TTC28: variants seen among roughly 807,000 people sequenced by gnomAD.
TTC28 encodes tetratricopeptide repeat domain 28.
In TTC28, 61 loss-of-function variants were observed where a neutral mutation model predicts 198.0. The observed-to-expected ratio is 0.31, with a 90% confidence interval of 0.25 to 0.38. The LOEUF is 0.38. Among genes scored for constraint, TTC28 ranks in the 10% least tolerant of loss-of-function variants. TTC28 has a pLI of 1.00. For synonymous variants in TTC28, 1,171 were observed against 1,297.8 expected, an observed-to-expected ratio of 0.90 and a Z score of 2.10; for missense variants, 2,678 against 3,164.0, an observed-to-expected ratio of 0.85 and a Z score of 3.69.
At chr22:28,648,346 G>C (rs572732056) in intron 1 of TTC28, among the ~76,000 whole-genome samples, 2 of 151,730 alleles carry the variant, frequency 1.3e-5, no homozygotes, top group South Asian at 2.1e-4. Flanking sequence ...AAAAACAATA[G>C]ATGTTGACAT....
At chr22:28,104,805 C>T (rs1382502865) in intron 8 of TTC28, among the ~76,000 whole-genome samples, 1 of 152,144 alleles carries the variant, frequency 6.6e-6, no homozygotes, top group Non-Finnish European at 1.5e-5. Context: ...GAACTGACTT[C>T]TATAAAGTTT....
At chr22:28,647,540 TC>T (rs1276527717) in intron 1 of TTC28, among the ~76,000 whole-genome samples, 1 of 151,896 alleles carries the variant, frequency 6.6e-6, no homozygotes, top group African/African-American at 2.4e-5. Context: ...CACAATCCCA[TC>T]AAAAAGCGGG....
intron 2 of TTC28, among the ~76,000 whole-genome samples, chr22:28,469,569 T>C (rs549401358): frequency 6.6e-6 from 1 of 151,786 alleles, no homozygotes; most frequent in Non-Finnish European, 1.5e-5. Flanking sequence ...CAGAGGGAGA[T>C]TTTACTACAG....
chr22:28,382,798 C>A (rs996875420), intron 2 of TTC28, among the ~76,000 whole-genome samples: 2 of 152,104 alleles, frequency 1.3e-5, no homozygotes, highest in African/African-American at 4.8e-5. Flanking sequence ...TATAAAGGGG[C>A]AAATTCAACA....
At chr22:28,362,594 G>A (rs1240310907) in intron 2 of TTC28, among the ~76,000 whole-genome samples, 1 of 152,180 alleles carries the variant, frequency 6.6e-6, no homozygotes, top group Non-Finnish European at 1.5e-5. Flanking sequence ...GAAGAAGACA[G>A]GAAAATGTGG....
intron 2 of TTC28, among the ~76,000 whole-genome samples, chr22:28,609,974 A>G (rs759732036): frequency 2.0e-5 from 3 of 152,188 alleles, no homozygotes; most frequent in Non-Finnish European, 4.4e-5. Flanking sequence ...GCCACCAGGA[A>G]GTTCAAACTC....
chr22:28,171,693 G>A (rs372422514), intron 5 of TTC28, among the ~76,000 whole-genome samples: 2 of 147,946 alleles, frequency 1.4e-5, no homozygotes, highest in South Asian at 4.3e-4. Flanking sequence ...CTAACAAAAA[G>A]ACTTAGAAAA....
At chr22:28,115,146 T>C (rs1300894617) in intron 6 of TTC28, among the ~76,000 whole-genome samples, 1 of 152,036 alleles carries the variant, frequency 6.6e-6, no homozygotes, top group Non-Finnish European at 1.5e-5. Context: ...CAGAAGTCCA[T>C]GCTCCATGCT....
At chr22:28,144,688 G>A (rs1312204023) in intron 6 of TTC28, among the ~76,000 whole-genome samples, 1 of 152,170 alleles carries the variant, frequency 6.6e-6, no homozygotes, top group Admixed American at 6.6e-5. Flanking sequence ...CAATTTACGT[G>A]GCATCAAAGA....
intron 5 of TTC28, among the ~76,000 whole-genome samples, chr22:28,217,150 G>A (rs1020655042): frequency 6.6e-6 from 1 of 152,088 alleles, no homozygotes; most frequent in Non-Finnish European, 1.5e-5. Context: ...GTATTAAATG[G>A]TCCAAGTCAG....
At chr22:28,179,688 A>G (rs1182095302) in intron 5 of TTC28, among the ~76,000 whole-genome samples, 2 of 152,220 alleles carry the variant, frequency 1.3e-5, no homozygotes, top group Admixed American at 6.5e-5. Context: ...GAATCATGGC[A>G]ATGTGGAATA....
chr22:28,199,051 C>T (rs1190148049), intron 5 of TTC28, among the ~76,000 whole-genome samples: 1 of 152,062 alleles, frequency 6.6e-6, no homozygotes, highest in African/African-American at 2.4e-5. Flanking sequence ...TTTAATACAA[C>T]TGTATGTGCA....
intron 5 of TTC28, among the ~76,000 whole-genome samples, chr22:28,175,353 A>T (rs116896149): frequency 0.022 from 3,284 of 152,340 alleles, 37 homozygotes; most frequent in Non-Finnish European, 0.027. Flanking sequence ...AATATTTGCA[A>T]ACTATACACC....
At chr22:28,331,621 C>T (rs2045617793) in intron 2 of TTC28, among the ~76,000 whole-genome samples, 1 of 152,000 alleles carries the variant, frequency 6.6e-6, no homozygotes, top group Admixed American at 6.6e-5. Context: ...TACTTGTACA[C>T]CTCCTCTCAT....
At chr22:28,579,927 G>A (rs1393457648) in intron 2 of TTC28, among the ~76,000 whole-genome samples, 2 of 151,812 alleles carry the variant, frequency 1.3e-5, no homozygotes, top group Non-Finnish European at 2.9e-5. Flanking sequence ...CCAAGATCGC[G>A]CCACTGCACT....
intron 2 of TTC28, among the ~76,000 whole-genome samples, chr22:28,487,050 C>A (rs1300849293): frequency 3.3e-5 from 5 of 152,074 alleles, no homozygotes; most frequent in Admixed American, 6.6e-5. Context: ...TGGAGGCCGT[C>A]CCCAATTTTT....
At chr22:28,389,711 C>T (rs134533) in intron 2 of TTC28, among the ~76,000 whole-genome samples, 126,137 of 146,734 alleles carry the variant, frequency 0.86, 54,450 homozygotes, top group East Asian at 0.99. Context: ...TTTTTTATTG[C>T]GTCTATTTGA....
intron 12 of TTC28, among the ~76,000 whole-genome samples, chr22:28,074,277 A>AT (rs555962989): frequency 8.5e-5 from 13 of 152,246 alleles, no homozygotes; most frequent in Non-Finnish European, 1.6e-4. Context: ...AAAGTGCAAG[A>AT]TATACAAAGT....
chr22:28,218,620 C>T (rs183130425), intron 5 of TTC28, among the ~76,000 whole-genome samples: 107 of 152,190 alleles, frequency 7.0e-4, no homozygotes, highest in Non-Finnish European at 1.0e-4. Flanking sequence ...AACTCAAGTG[C>T]ACAAGCGCCT....
Sources: gnomAD v4.1 joint callset for allele counts (sites outside exome capture counted in the v4.1 genomes callset) on GRCh38, gnomAD v4.1.1 for gene constraint, MANE v1.5 for transcripts, NCBI Gene and HGNC (gene_info 2026-07-23, HGNC 2026-07-21) for gene names.